Variants in PPP2R2C observed in about 807,000 individuals in gnomAD.
PPP2R2C encodes protein phosphatase 2, regulatory subunit B, gamma.
PPP2R2C carries 10 observed loss-of-function variants against 45.3 expected under a neutral mutation model. That is an observed-to-expected ratio of 0.22 (90% CI 0.14 to 0.37). The LOEUF is 0.37. Among genes scored for constraint, PPP2R2C ranks in the 10% least tolerant of loss-of-function variants. The pLI, the probability that PPP2R2C is intolerant of heterozygous loss-of-function variation, is 1.00. For missense variants in PPP2R2C, 308 were observed against 619.7 expected (o/e 0.50, Z 5.34); for synonymous variants, 257 against 245.4 (o/e 1.05, Z -0.44).
intron 5 of PPP2R2C, chr4:6,350,164 A>G: frequency 1.0e-6 from 1 of 985,468 alleles, no homozygotes; most frequent in Non-Finnish European, 1.2e-6. Context: ...GCGATTAAAT[A>G]ATGAAAAATG....
intron 5 of PPP2R2C, among the ~76,000 whole-genome samples, chr4:6,370,974 C>G (rs1714778272): frequency 6.6e-6 from 1 of 152,182 alleles, no homozygotes; most frequent in Admixed American, 6.5e-5. Context: ...CCTCCCAGCT[C>G]TGGGCACTCC....
chr4:6,389,005 G>A (rs1716420307), intron 1 of PPP2R2C, among the ~76,000 whole-genome samples: 2 of 151,964 alleles, frequency 1.3e-5, no homozygotes, highest in South Asian at 4.2e-4. Context: ...CCACCTGGGG[G>A]AGACATCGCC....
chr4:6,441,502 C>T (rs1720153211), intron 1 of PPP2R2C, among the ~76,000 whole-genome samples: 1 of 152,170 alleles, frequency 6.6e-6, no homozygotes, highest in Admixed American at 6.5e-5. Flanking sequence ...CCAGTCCCCA[C>T]ACACGAGCAC....
intron 1 of PPP2R2C, chr4:6,413,885 C>T: frequency 6.5e-7 from 1 of 1,536,044 alleles, no homozygotes; most frequent in Non-Finnish European, 8.7e-7. Context: ...CTCATGATGC[C>T]CCACAGCCCC....
intron 1 of PPP2R2C, among the ~76,000 whole-genome samples, chr4:6,466,197 C>T (rs1332541396): frequency 1.3e-5 from 2 of 152,230 alleles, no homozygotes; most frequent in East Asian, 3.9e-4. Flanking sequence ...CACAGGGTAG[C>T]GTGCTGTGGG....
At chr4:6,344,316 C>A (rs1160871771) in intron 6 of PPP2R2C, among the ~76,000 whole-genome samples, 1 of 152,242 alleles carries the variant, frequency 6.6e-6, no homozygotes, top group Non-Finnish European at 1.5e-5. Flanking sequence ...ACTCATATTT[C>A]TCGCACTGTT....
chr4:6,517,044 G>T (rs1005428477), intron 2 of PPP2R2C, among the ~76,000 whole-genome samples: 1 of 152,132 alleles, frequency 6.6e-6, no homozygotes, highest in Non-Finnish European at 1.5e-5. Flanking sequence ...TTCCTCCCAC[G>T]CCCACACTCC....
At chr4:6,340,558 A>G (rs983929457) in intron 6 of PPP2R2C, among the ~76,000 whole-genome samples, 3 of 148,038 alleles carry the variant, frequency 2.0e-5, no homozygotes, top group Non-Finnish European at 4.5e-5. Context: ...ATCCAGCAGC[A>G]AATCCAGCAG....
At chr4:6,548,351 T>C (rs1382292421) in intron 1 of PPP2R2C, among the ~76,000 whole-genome samples, 1 of 152,066 alleles carries the variant, frequency 6.6e-6, no homozygotes, top group Non-Finnish European at 1.5e-5. Flanking sequence ...CAACCCACCT[T>C]CTCCACCTCC....
intron 2 of PPP2R2C, among the ~76,000 whole-genome samples, chr4:6,516,594 C>A (rs75023045): frequency 6.6e-6 from 1 of 152,186 alleles, no homozygotes; most frequent in Non-Finnish European, 1.5e-5. Context: ...GCCCTGTGAG[C>A]GTGTGCTGCC....
At position 6,345,391 on chromosome 4, in the gene PPP2R2C, T is replaced by C. The variant is rs1396969964; in HGVS notation, c.790+2455A>G. ...TCCTGATCCCTAGCACCTGTGACTA[T>C]GTTATGCTACACGGCAAAGTCAAAA... On this transcript the variant is annotated intron_variant, in intron 6 of 8. Coordinates refer to ENST00000382599, the MANE Select transcript of PPP2R2C (RefSeq NM_020416.4). The surrounding 1 kb of genome is among the most constrained non-coding windows in gnomAD (Gnocchi z 5.3). Among the ~76,000 whole-genome samples the C allele has an allele frequency of 1.3e-5, 2 of 152,082 alleles. No individual in the cohort carries two copies. Among genetic ancestry groups the C allele is most frequent in the African/African-American group, 4.8e-5 (2 of 41,396 alleles).
At chr4:6,410,118 C>T (rs971158911) in intron 1 of PPP2R2C, among the ~76,000 whole-genome samples, 1 of 152,218 alleles carries the variant, frequency 6.6e-6, no homozygotes. Context: ...CAGGATCCCA[C>T]ACCTCAGGCC....
chr4:6,388,514 ATCCTGATAAGAAG>A lies in PPP2R2C; in HGVS notation c.71-7433_71-7421del, dbSNP rs1716385297. Among the ~76,000 whole-genome samples the A allele has an allele frequency of 2.6e-5, 4 of 152,174 alleles. No individual in the cohort carries two copies. The South Asian group carries it at 8.3e-4, about 32-fold the overall frequency. On this transcript the variant is annotated intron_variant, in intron 1 of 8. Transcript: ENST00000382599. ...GTGGGCCCTAGATCTAAGGACTGGT[ATCCTGATAAGAAG>A]TCCATATGAAGACACAGCACACACA... is the stretch of plus-strand genomic sequence containing the variant.
intron 5 of PPP2R2C, among the ~76,000 whole-genome samples, chr4:6,356,968 C>T (rs1222478350): frequency 6.9e-6 from 1 of 145,204 alleles, no homozygotes. Flanking sequence ...CACCTCGGGC[C>T]AGTCTCAGCC....
intron 1 of PPP2R2C, among the ~76,000 whole-genome samples, chr4:6,464,914 A>G (rs1577203538): frequency 8.9e-6 from 1 of 112,014 alleles, no homozygotes; most frequent in Non-Finnish European, 1.8e-5. Context: ...GAAGGAAGGG[A>G]GGAAGGGAGG....
intron 5 of PPP2R2C, among the ~76,000 whole-genome samples, chr4:6,370,861 T>C (rs531721772): frequency 6.6e-6 from 1 of 152,324 alleles, no homozygotes; most frequent in African/African-American, 2.4e-5. Flanking sequence ...GTCAGACAGA[T>C]GTCCAGCCCA....
intron 6 of PPP2R2C, among the ~76,000 whole-genome samples, chr4:6,340,204 G>A (rs1015345453): frequency 3.3e-5 from 5 of 152,078 alleles, no homozygotes; most frequent in East Asian, 1.9e-4. Context: ...GGCCCGGCAC[G>A]CTCTCCCCTT....
intron 1 of PPP2R2C, among the ~76,000 whole-genome samples, chr4:6,557,575 G>A (rs538874206): frequency 2.0e-5 from 3 of 152,288 alleles, no homozygotes; most frequent in Admixed American, 6.5e-5. Context: ...GGGAATAGCA[G>A]GGGCAAAGGG....
upstream of PPP2R2C, among the ~76,000 whole-genome samples, chr4:6,477,375 G>A (rs1342534116): frequency 6.6e-6 from 1 of 152,124 alleles, no homozygotes; most frequent in Non-Finnish European, 1.5e-5. Flanking sequence ...CTTAAATGAG[G>A]TATTGTCATT....
Sources: allele counts gnomAD v4.1 joint callset (sites outside exome capture counted in the v4.1 genomes callset), GRCh38; gene constraint gnomAD v4.1.1; non-coding constraint Gnocchi (gnomAD v3.1); transcripts MANE v1.5; gene names NCBI Gene and HGNC (gene_info 2026-07-23, HGNC 2026-07-21).